RNF135: variants seen among roughly 807,000 people sequenced by gnomAD.
RNF135 encodes ring finger protein 135.
In RNF135, 46 loss-of-function variants were observed where a neutral mutation model predicts 41.9. The ratio of observed to expected loss-of-function variants is 1.10; its 90% CI spans 0.87 to 1.40. The LOEUF is 1.40. RNF135 is among the 40% of genes most tolerant of loss of function. The probability of loss-of-function intolerance (pLI) is 0.00; values close to 1 mark genes in which losing one functional copy is unlikely to be tolerated. For synonymous variants in RNF135, 238 were observed against 223.8 expected, an observed-to-expected ratio of 1.06 and a Z score of -0.57; for missense variants, 539 against 549.8, an observed-to-expected ratio of 0.98 and a Z score of 0.20.
chr17:30,990,625 G>A (rs893750524), intron 3 of RNF135, among the ~76,000 whole-genome samples: 25 of 152,176 alleles, frequency 1.6e-4, no homozygotes, highest in Non-Finnish European at 1.9e-4. Flanking sequence ...TTTTATTACC[G>A]TTTTTTTGAG....
rs1469625542 is a variant in RNF135 at position 30,971,421 on chromosome 17, C to T, written c.348C>T (p.Pro116=). 1 of 1,515,508 alleles carries T rather than the reference C, an allele frequency of 6.6e-7. No homozygotes were observed. Among genetic ancestry groups the T allele is most frequent in the South Asian group, 1.2e-5 (1 of 82,234 alleles). 93.9% of individuals were successfully genotyped at this position (1,515,508 alleles called of 1,614,324 possible). Residue 116 remains proline (P), a synonymous_variant, in exon 1 of 5, where the codon CCC becomes CCT. Coordinates refer to ENST00000328381, the MANE Select transcript of RNF135 (RefSeq NM_032322.4). ...SSSLSSAAAR[P]RRRPELQRVA... is the part of the protein sequence containing the mutation. Reference sequence around the variant, plus strand: ...CCCTCTCCAGCGCGGCCGCGAGGCCCCGGCGCCGCCCGGAACTGCAGCGGG... The same window carrying T: ...CCCTCTCCAGCGCGGCCGCGAGGCCTCGGCGCCGCCCGGAACTGCAGCGGG...
chr17:30,965,831 G>A, the RNF135 span, among the ~76,000 whole-genome samples: 8 of 150,856 alleles, frequency 5.3e-5, no homozygotes, highest in South Asian at 1.0e-3. Flanking sequence ...GTGGAAAATC[G>A]TCCTCATGAA....
chr17:30,970,305 T>C (rs1905783297), upstream of RNF135: 2 of 152,096 alleles, frequency 1.3e-5, no homozygotes, highest in South Asian at 4.2e-4. Flanking sequence ...AGTGAGTGAG[T>C]GAGCCTTCTC....
chr17:30,963,439 G>T, the RNF135 span, among the ~76,000 whole-genome samples: 4 of 151,938 alleles, frequency 2.6e-5, no homozygotes, highest in African/African-American at 9.7e-5. Context: ...CAAATTAGCC[G>T]GGTGTGGTTG....
intron 1 of RNF135, among the ~76,000 whole-genome samples, chr17:30,980,613 G>C (rs1907048679): frequency 7.2e-6 from 1 of 139,308 alleles, no homozygotes; most frequent in Non-Finnish European, 1.6e-5. Flanking sequence ...AGACGGGGCG[G>C]TTGCCAGGCA....
At chr17:30,986,533 C>T (rs1004052612) in intron 2 of RNF135, among the ~76,000 whole-genome samples, 9 of 152,138 alleles carry the variant, frequency 5.9e-5, no homozygotes, top group Admixed American at 3.3e-4. Context: ...TGTCCCCAGG[C>T]GCTAGCACAG....
At chr17:30,965,884 C>G in the RNF135 span, among the ~76,000 whole-genome samples, 1 of 152,198 alleles carries the variant, frequency 6.6e-6, no homozygotes, top group African/African-American at 2.4e-5. Flanking sequence ...AACTGAGTCA[C>G]AAGTCACCAG....
At chr17:30,971,628 A>G (rs1905960115) in intron 1 of RNF135, 183 bp downstream of exon 1, 6 of 1,353,388 alleles carry the variant, frequency 4.4e-6, no homozygotes, top group East Asian at 6.1e-5. Context: ...GAAGAAGTAG[A>G]AAAAAACAAA....
upstream of RNF135, among the ~76,000 whole-genome samples, chr17:30,966,377 T>TA (rs1905547345): frequency 1.4e-5 from 2 of 138,112 alleles, no homozygotes; most frequent in African/African-American, 6.6e-5. Context: ...TTTATTTAAT[T>TA]TTTAAGTTTT....
chr17:30,982,247 A>G (rs1158709544), intron 1 of RNF135, among the ~76,000 whole-genome samples: 2 of 152,198 alleles, frequency 1.3e-5, no homozygotes, highest in African/African-American at 2.4e-5. Flanking sequence ...AGAGCCCCAG[A>G]GCACTTCAGC....
At chr17:30,974,176 C>T (rs1395722349) in intron 1 of RNF135, among the ~76,000 whole-genome samples, 1 of 152,150 alleles carries the variant, frequency 6.6e-6, no homozygotes, top group Non-Finnish European at 1.5e-5. Context: ...TGCACTCCAG[C>T]CTGGGTAATG....
intron 3 of RNF135, among the ~76,000 whole-genome samples, chr17:30,990,320 C>A (rs528287828): frequency 4.9e-4 from 74 of 152,110 alleles, no homozygotes; most frequent in Middle Eastern, 3.4e-3. Flanking sequence ...GTCAGGAGTT[C>A]GAGAGCAGCC....
At chr17:30,979,812 AC>A (rs1234375428) in intron 1 of RNF135, among the ~76,000 whole-genome samples, 2 of 65,468 alleles carry the variant, frequency 3.1e-5, no homozygotes, top group African/African-American at 6.3e-5. Flanking sequence ...CGGGGGGCTG[AC>A]CCCCCCACCT....
chr17:30,965,486 A>G, the RNF135 span: 3 of 152,218 alleles, frequency 2.0e-5, no homozygotes, highest in Non-Finnish European at 4.4e-5. Context: ...AATAAACAAT[A>G]TTCTAATTTT....
At chr17:30,990,186 A>G (rs1907888443) in intron 3 of RNF135, among the ~76,000 whole-genome samples, 1 of 152,064 alleles carries the variant, frequency 6.6e-6, no homozygotes, top group Middle Eastern at 3.2e-3. Context: ...TTTAAGATCA[A>G]TTTTTAAATT....
At chr17:30,979,982 G>A (rs1285929040) in intron 1 of RNF135, among the ~76,000 whole-genome samples, 20 of 105,756 alleles carry the variant, frequency 1.9e-4, no homozygotes, top group South Asian at 6.7e-4. Context: ...GGCCAGGCGG[G>A]GGGCTGATCC....
chr17:30,970,996 A>G, upstream of RNF135: 2 of 1,522,066 alleles, frequency 1.3e-6, no homozygotes, highest in Non-Finnish European at 1.8e-6. Context: ...GGCAAGGGGA[A>G]GAGGAAGGGC....
In RNF135 at chr17:30,984,746, A is replaced by C. The variant is rs1418073907; in HGVS notation, c.502A>C (p.Ser168Arg). 6.2e-7 allele frequency: 1 copy of C among 1,614,048 alleles called. No homozygotes were observed. Among genetic ancestry groups the C allele is most frequent in the Non-Finnish European group, 8.5e-7 (1 of 1,180,020 alleles). The change falls in exon 2 of 5, where the codon AGC becomes CGC. Residue 168 changes from serine (S) to arginine (R), a missense_variant. Physicochemically the swap from Ser to Arg is moderately radical, Grantham distance 110. Transcript: ENST00000328381. ...LSESGPDNEL[S>R]ILGKAFSSGV... ...AGAATCTGGACCAGACAACGAACTGAGCATCCTGGGCAAGGTAGGCTCCAC... is the reference window on the plus strand; with the variant it reads ...AGAATCTGGACCAGACAACGAACTGCGCATCCTGGGCAAGGTAGGCTCCAC...
the RNF135 span, chr17:30,965,165 C>G: frequency 1.3e-5 from 2 of 152,050 alleles, no homozygotes; most frequent in African/African-American, 4.8e-5. Context: ...GCCTGGGCAA[C>G]ACGGTAAAAC....
Sources: allele counts gnomAD v4.1 joint callset (sites outside exome capture counted in the v4.1 genomes callset), GRCh38; gene constraint gnomAD v4.1.1; transcripts MANE v1.5; gene names NCBI Gene and HGNC (gene_info 2026-07-23, HGNC 2026-07-21).